Variants in KCNMA1 observed in about 807,000 individuals in gnomAD.
The protein encoded by KCNMA1 is Calcium-activated potassium channel subunit alpha-1.
A neutral mutation model predicts 140.0 loss-of-function variants in KCNMA1; 29 were observed. The ratio of observed to expected loss-of-function variants is 0.21; its 90% CI spans 0.15 to 0.28. The LOEUF (loss-of-function observed/expected upper bound fraction) is 0.28. Among genes scored for constraint, KCNMA1 ranks in the 10% least tolerant of loss-of-function variants. The probability of loss-of-function intolerance (pLI) is 1.00; values close to 1 mark genes in which losing one functional copy is unlikely to be tolerated. For synonymous variants in KCNMA1, 612 were observed against 611.9 expected (o/e 1.00, Z 0.00); for missense variants, 880 against 1,602.2 (o/e 0.55, Z 7.70).
intron 3 of KCNMA1, among the ~76,000 whole-genome samples, chr10:77,220,534 G>A (rs1161953071): frequency 6.6e-6 from 1 of 152,180 alleles, no homozygotes; most frequent in African/African-American, 2.4e-5. Flanking sequence ...ACTTCTAGGA[G>A]AGCAGATAAG....
chr10:76,885,412 CT>C lies in KCNMA1; in HGVS notation c.*1853del. ...TACTGGTTTGAATACTACGCTGCCC[CT>C]GTCTTTGGTGTGGGGGAGGGTGGAG... On this transcript the variant is annotated 3_prime_UTR_variant, in exon 28 of 28. Coordinates refer to ENST00000286628, the MANE Select transcript of KCNMA1 (RefSeq NM_001161352.2). 1 of 985,128 alleles carries C rather than the reference CT, an allele frequency of 1.0e-6. No individual in the cohort carries two copies. The highest frequency in any genetic ancestry group is 1.1e-4 in the East Asian group (1 of 8,814). 61.0% of individuals were successfully genotyped at this position (985,128 alleles called of 1,614,324 possible).
chr10:77,030,406 C>A (rs923756138), intron 15 of KCNMA1, among the ~76,000 whole-genome samples: 2 of 152,118 alleles, frequency 1.3e-5, no homozygotes, highest in Admixed American at 6.5e-5. Context: ...TTTATTGAAC[C>A]AAATTACCAA....
chr10:77,546,760 T>A (rs2061543608), intron 1 of KCNMA1, among the ~76,000 whole-genome samples: 1 of 152,184 alleles, frequency 6.6e-6, no homozygotes, highest in Admixed American at 6.5e-5. Flanking sequence ...TGGCTCCCTG[T>A]CAGGGGAGCA....
chr10:77,518,463 C>T (rs1219598979), intron 1 of KCNMA1, among the ~76,000 whole-genome samples: 3 of 152,166 alleles, frequency 2.0e-5, no homozygotes, highest in Non-Finnish European at 2.9e-5. Context: ...TACTCTCAGG[C>T]AAGTGATACA....
chr10:77,128,889 G>A (rs927365483), intron 5 of KCNMA1, among the ~76,000 whole-genome samples: 2 of 152,206 alleles, frequency 1.3e-5, no homozygotes, highest in African/African-American at 4.8e-5. Context: ...GATGGGGCCT[G>A]ATACTGTGCA....
At chr10:77,172,732 A>G (rs554177467) in intron 5 of KCNMA1, among the ~76,000 whole-genome samples, 1 of 151,966 alleles carries the variant, frequency 6.6e-6, no homozygotes, top group South Asian at 2.1e-4. Context: ...CCAAGAGTAG[A>G]GCCCCATGTC....
chr10:77,617,414 C>T (rs990970951), intron 1 of KCNMA1, among the ~76,000 whole-genome samples: 3 of 152,206 alleles, frequency 2.0e-5, no homozygotes, highest in South Asian at 2.1e-4. Context: ...TTAGGGCCAA[C>T]GTAAACCAGT....
At chr10:77,106,457 C>T (rs1182013080) in intron 9 of KCNMA1, among the ~76,000 whole-genome samples, 1 of 152,016 alleles carries the variant, frequency 6.6e-6, no homozygotes, top group Non-Finnish European at 1.5e-5. Context: ...AGAGCCCCAT[C>T]TGGGTCAGCT....
chr10:77,543,950 C>T (rs975975656), intron 1 of KCNMA1, among the ~76,000 whole-genome samples: 2 of 152,102 alleles, frequency 1.3e-5, no homozygotes, highest in South Asian at 2.1e-4. Context: ...TTTTCATAAC[C>T]TTGATGAGCT....
At chr10:76,883,956 C>T, downstream of KCNMA1, 1 of 964,958 alleles carries the variant, frequency 1.0e-6, no homozygotes, top group South Asian at 4.8e-5. Flanking sequence ...TCAAATTTAT[C>T]ATTAGTCAAA....
At chr10:77,104,347 C>G (rs1323417065) in intron 9 of KCNMA1, among the ~76,000 whole-genome samples, 2 of 152,146 alleles carry the variant, frequency 1.3e-5, no homozygotes, top group African/African-American at 2.4e-5. Flanking sequence ...TGAATTGGAG[C>G]AAGAGACGGG....
chr10:77,324,308 T>C (rs1486686294), intron 2 of KCNMA1, among the ~76,000 whole-genome samples: 1 of 152,108 alleles, frequency 6.6e-6, no homozygotes, highest in Non-Finnish European at 1.5e-5. Context: ...ACTTTTCCAG[T>C]GTCCTGTAAA....
At chr10:77,467,478 A>G (rs2098052478) in intron 1 of KCNMA1, among the ~76,000 whole-genome samples, 1 of 152,220 alleles carries the variant, frequency 6.6e-6, no homozygotes, top group Admixed American at 6.5e-5. Flanking sequence ...GGTTCCAGAC[A>G]TGGCAATTTA....
At chr10:77,103,390 C>T (rs2097139210) in intron 9 of KCNMA1, among the ~76,000 whole-genome samples, 4 of 152,174 alleles carry the variant, frequency 2.6e-5, no homozygotes, top group Non-Finnish European at 5.9e-5. Context: ...CAGAACTGGT[C>T]ACGTGGGGCT....
chr10:76,940,969 GA>G (rs1565055388), intron 23 of KCNMA1, among the ~76,000 whole-genome samples: 1 of 139,452 alleles, frequency 7.2e-6, no homozygotes, highest in African/African-American at 2.8e-5. Context: ...TCGAAAGAAA[GA>G]AAGAAAGAAA....
chr10:77,579,485 G>A (rs1456138698), intron 1 of KCNMA1, among the ~76,000 whole-genome samples: 1 of 152,174 alleles, frequency 6.6e-6, no homozygotes, highest in Non-Finnish European at 1.5e-5. Flanking sequence ...TTTATTTATA[G>A]ATATTTGAAT....
intron 1 of KCNMA1, among the ~76,000 whole-genome samples, chr10:77,439,137 G>A (rs1021067549): frequency 1.4e-5 from 2 of 142,096 alleles, no homozygotes; most frequent in East Asian, 2.1e-4. Context: ...GAAGAGAAGA[G>A]AAGAGAAGAG....
At chr10:77,216,196 G>C (rs560336891) in intron 3 of KCNMA1, among the ~76,000 whole-genome samples, 1 of 152,168 alleles carries the variant, frequency 6.6e-6, no homozygotes, top group Admixed American at 6.5e-5. Flanking sequence ...GGGACTGGGA[G>C]AATGTGGAAT....
Position 76,887,050 on chromosome 10 carries a change from C to T in KCNMA1, c.*216G>A, listed in dbSNP as rs1480868207. ...ATTTTTCCCCCAGAATCATAAATAACTTTTGGTCCGTCTGCTTATTTGCTG... is the reference window on the plus strand; with the variant it reads ...ATTTTTCCCCCAGAATCATAAATAATTTTTGGTCCGTCTGCTTATTTGCTG... On this transcript the variant is annotated 3_prime_UTR_variant, in exon 28 of 28. Coordinates refer to ENST00000286628, the MANE Select transcript of KCNMA1 (RefSeq NM_001161352.2). 14 of 1,454,648 alleles carry T rather than the reference C, an allele frequency of 9.6e-6. No individual in the cohort carries two copies. The highest frequency in any genetic ancestry group is 1.2e-5 in the Non-Finnish European group (13 of 1,103,032). The allele number at this position is 1,454,648 out of a possible 1,614,324, so 90.1% of individuals were successfully genotyped here.
Sources: gnomAD v4.1 joint callset for allele counts (sites outside exome capture counted in the v4.1 genomes callset) on GRCh38, gnomAD v4.1.1 for gene constraint, MANE v1.5 for transcripts, NCBI Gene and HGNC (gene_info 2026-07-23, HGNC 2026-07-21) for gene names.